The following EXOC4 variants were observed in gnomAD, a reference collection of about 807,000 sequenced individuals.
EXOC4 encodes the protein exocyst complex component 4, also known as SEC8-like 1.
Under a neutral mutation model 107.2 loss-of-function variants are expected in EXOC4, and 71 were observed. That is an observed-to-expected ratio of 0.66 (90% CI 0.55 to 0.81). EXOC4 has a LOEUF of 0.81. EXOC4 is among the 30% of genes least tolerant of loss of function. The pLI is 0.00. For missense variants in EXOC4, 1,108 were observed against 1,189.6 expected (o/e 0.93, Z 1.01); for synonymous variants, 456 against 441.2 (o/e 1.03, Z -0.42).
chr7:133,504,872 C>T (rs2150891733), intron 9 of EXOC4, among the ~76,000 whole-genome samples: 1 of 152,042 alleles, frequency 6.6e-6, no homozygotes, highest in East Asian at 1.9e-4. Context: ...GTACAAAGAA[C>T]CCCGTTTTCT....
intron 17 of EXOC4, among the ~76,000 whole-genome samples, chr7:134,029,111 CCTT>C (rs1032216495): frequency 4.6e-5 from 7 of 152,214 alleles, no homozygotes; most frequent in Non-Finnish European, 1.0e-4. Flanking sequence ...AGTGGGTTAT[CCTT>C]CTTATGCAGA....
intron 9 of EXOC4, among the ~76,000 whole-genome samples, chr7:133,487,311 T>C (rs1387348031): frequency 6.6e-6 from 1 of 152,220 alleles, no homozygotes; most frequent in Non-Finnish European, 1.5e-5. Flanking sequence ...TTCATACAGA[T>C]GTGAGAAAAG....
intron 10 of EXOC4, among the ~76,000 whole-genome samples, chr7:133,634,127 C>T (rs1194185690): frequency 6.6e-6 from 1 of 152,060 alleles, no homozygotes; most frequent in Non-Finnish European, 1.5e-5. Context: ...CGTTTTTACT[C>T]TCCTTTCATA....
chr7:133,837,700 G>A (rs748917635), intron 11 of EXOC4, among the ~76,000 whole-genome samples: 5 of 152,138 alleles, frequency 3.3e-5, no homozygotes, highest in Non-Finnish European at 7.4e-5. Context: ...TTTCCAGTGA[G>A]GATTCTAATT....
At chr7:133,739,425 C>G (rs1246272014) in intron 10 of EXOC4, among the ~76,000 whole-genome samples, 2 of 152,260 alleles carry the variant, frequency 1.3e-5, no homozygotes, top group Non-Finnish European at 2.9e-5. Flanking sequence ...AGAGCAGTGA[C>G]AAGCTGGAAC....
At chr7:133,914,879 A>G (rs1799770714) in intron 12 of EXOC4, among the ~76,000 whole-genome samples, 1 of 152,230 alleles carries the variant, frequency 6.6e-6, no homozygotes, top group African/African-American at 2.4e-5. Flanking sequence ...GACATCTACA[A>G]GAACTACCAA....
At chr7:133,488,717 A>G (rs1315569179) in intron 9 of EXOC4, among the ~76,000 whole-genome samples, 1 of 152,146 alleles carries the variant, frequency 6.6e-6, no homozygotes, top group Non-Finnish European at 1.5e-5. Flanking sequence ...TTTAGTAGCA[A>G]AAACCGAGAA....
At chr7:133,334,843 G>A (rs748535766) in intron 5 of EXOC4, among the ~76,000 whole-genome samples, 13 of 152,034 alleles carry the variant, frequency 8.6e-5, no homozygotes, top group Non-Finnish European at 1.5e-4. Flanking sequence ...CTGTTCCTGC[G>A]TTAGTTTGCT....
intron 17 of EXOC4, among the ~76,000 whole-genome samples, chr7:134,058,226 C>A (rs1795975510): frequency 1.3e-5 from 2 of 152,186 alleles, no homozygotes; most frequent in Non-Finnish European, 2.9e-5. Context: ...TCAATACTAA[C>A]TTTTATTCAG....
chr7:134,004,241 A>G (rs570919604), intron 15 of EXOC4, among the ~76,000 whole-genome samples: 2 of 152,302 alleles, frequency 1.3e-5, no homozygotes, highest in Admixed American at 6.5e-5. Context: ...ATTATTGTTA[A>G]TAAATATAAG....
At chr7:133,989,423 A>G (rs1468736618) in intron 14 of EXOC4, among the ~76,000 whole-genome samples, 2 of 152,200 alleles carry the variant, frequency 1.3e-5, no homozygotes, top group African/African-American at 4.8e-5. Context: ...CTCAGAACAT[A>G]TTGGCAAGTA....
chr7:133,334,159 G>A (rs1343183291), intron 5 of EXOC4, among the ~76,000 whole-genome samples: 2 of 152,168 alleles, frequency 1.3e-5, no homozygotes, highest in African/African-American at 4.8e-5. Context: ...TACATCGGAA[G>A]CATTATCATG....
chr7:133,542,287 T>C (rs915259502), intron 9 of EXOC4, among the ~76,000 whole-genome samples: 3 of 151,964 alleles, frequency 2.0e-5, no homozygotes, highest in African/African-American at 7.2e-5. Context: ...TGTATAATTA[T>C]GATTGGACAA....
intron 11 of EXOC4, among the ~76,000 whole-genome samples, chr7:133,849,552 T>C (rs187535997): frequency 9.8e-5 from 15 of 152,358 alleles, no homozygotes; most frequent in Admixed American, 9.8e-4. Flanking sequence ...TAGGTTTTAA[T>C]GATGGCTGTG....
chr7:133,608,514 T>A (rs569633337), intron 9 of EXOC4, among the ~76,000 whole-genome samples: 56 of 151,338 alleles, frequency 3.7e-4, no homozygotes, highest in Middle Eastern at 3.4e-3. Flanking sequence ...AATTAATAAA[T>A]GGTTGTTATC....
the EXOC4 span, among the ~76,000 whole-genome samples, chr7:134,093,352 C>A: frequency 6.6e-6 from 1 of 152,056 alleles, no homozygotes; most frequent in African/African-American, 2.4e-5. Flanking sequence ...GATAAATAAT[C>A]CAATTCAACA....
intron 9 of EXOC4, among the ~76,000 whole-genome samples, chr7:133,509,821 C>T (rs562660925): frequency 7.2e-4 from 109 of 152,258 alleles, no homozygotes; most frequent in African/African-American, 2.4e-3. Context: ...TTAAAACCTA[C>T]GAGGTGTTTT....
intron 9 of EXOC4, among the ~76,000 whole-genome samples, chr7:133,515,985 G>A (rs1428533253): frequency 6.6e-6 from 1 of 152,106 alleles, no homozygotes; most frequent in African/African-American, 2.4e-5. Flanking sequence ...GCTCTTCAGT[G>A]TTAATTGACT....
At chr7:133,393,475 T>TAAGATTTGCTATAGA (rs1796898948) in intron 7 of EXOC4, among the ~76,000 whole-genome samples, 1 of 152,294 alleles carries the variant, frequency 6.6e-6, no homozygotes, top group East Asian at 1.9e-4. Flanking sequence ...TTGATTGATT[T>TAAGATTTGCTATAGA]AAGATTTGCT....
Sources: gnomAD v4.1 joint callset for allele counts (sites outside exome capture counted in the v4.1 genomes callset) on GRCh38, gnomAD v4.1.1 for gene constraint, MANE v1.5 for transcripts, NCBI Gene and HGNC (gene_info 2026-07-23, HGNC 2026-07-21) for gene names.